The following KIRREL3 variants were observed in gnomAD, a reference collection of about 807,000 sequenced individuals.
The protein encoded by KIRREL3 is kirre like nephrin family adhesion molecule 3.
A neutral mutation model predicts 89.7 loss-of-function variants in KIRREL3; 36 were observed. The ratio of observed to expected loss-of-function variants is 0.40; its 90% CI spans 0.31 to 0.53. The LOEUF (loss-of-function observed/expected upper bound fraction) is 0.53. Ranked by LOEUF, KIRREL3 falls within the 20% of genes least tolerant of loss-of-function variation. The pLI, the probability that KIRREL3 is intolerant of heterozygous loss-of-function variation, is 0.49. For synonymous variants in KIRREL3, 445 were observed against 441.4 expected, an observed-to-expected ratio of 1.01 and a Z score of -0.10; for missense variants, 864 against 1,056.6, an observed-to-expected ratio of 0.82 and a Z score of 2.53.
chr11:126,600,784 C>T (rs375973618), intron 1 of KIRREL3, among the ~76,000 whole-genome samples: 2 of 152,152 alleles, frequency 1.3e-5, no homozygotes, highest in African/African-American at 4.8e-5. Flanking sequence ...CCTTATACAC[C>T]TTTGATCATT....
rs1301295113 is a variant in KIRREL3 at position 126,890,026 on chromosome 11, G to A, written c.55+110429C>T. On this transcript the variant is annotated intron_variant, in intron 1 of 16. Transcript: ENST00000525144. The surrounding 1 kb of genome is among the most constrained non-coding windows in gnomAD (Gnocchi z 5.1). ...GTCAGTGTCATGAATAATAAAATTA[G>A]TTTAAATAAACCCCCAGCCACAATC... Among the ~76,000 whole-genome samples, 3 of 152,184 alleles carry A rather than the reference G, an allele frequency of 2.0e-5. No individual in the cohort carries two copies. Among genetic ancestry groups the A allele is most frequent in the African/African-American group, 7.2e-5 (3 of 41,452 alleles).
rs1358834321 is a variant in KIRREL3 at position 126,653,637 on chromosome 11, C to T, written c.56-90725G>A. Among the ~76,000 whole-genome samples the T allele has an allele frequency of 6.6e-6, 1 of 152,174 alleles. No individual in the cohort carries two copies. The highest frequency in any genetic ancestry group is 2.4e-5 in the African/African-American group (1 of 41,458). On this transcript the variant is annotated intron_variant, in intron 1 of 16. Coordinates refer to ENST00000525144, the MANE Select transcript of KIRREL3 (RefSeq NM_032531.4). This position sits in a 1 kb window ranked among gnomAD's most constrained non-coding sequence, Gnocchi z 5.4. ...AGCTCTTTTCAAGGTCACACGGACA[C>T]TCTGACCCGACTCTCTCCTGGCAGC...
intron 11 of KIRREL3, among the ~76,000 whole-genome samples, chr11:126,437,519 C>A (rs1955401425): frequency 6.6e-6 from 1 of 152,150 alleles, no homozygotes; most frequent in South Asian, 2.1e-4. Context: ...ACATGCATCA[C>A]AACACATGCA....
Position 126,635,263 on chromosome 11 carries a change from G to C in KIRREL3, c.56-72351C>G, listed in dbSNP as rs993543046. The stretch of plus-strand genomic sequence containing the variant: ...CTAAATCCACTCATGGGGGGTGCCA[G>C]GTGCTTCCCTCCAAGGCAGAAGGTA... On this transcript the variant is annotated intron_variant, in intron 1 of 16. Coordinates refer to ENST00000525144, the MANE Select transcript of KIRREL3 (RefSeq NM_032531.4). The surrounding 1 kb of genome is among the most constrained non-coding windows in gnomAD (Gnocchi z 4.0). Among the ~76,000 whole-genome samples, 4 of 152,196 alleles carry C rather than the reference G, an allele frequency of 2.6e-5. No homozygotes were observed. Among genetic ancestry groups the C allele is most frequent in the African/African-American group, 4.8e-5 (2 of 41,460 alleles).
Position 126,797,074 on chromosome 11 carries a change from G to C in KIRREL3, c.55+203381C>G, listed in dbSNP as rs554140943. ...TGGAGGAGCTGTCTGTTGCGGGAGG[G>C]AAGAAGAAGCCTCATTCAGATCCCC... On this transcript the variant is annotated intron_variant, in intron 1 of 16. Transcript: ENST00000525144. This position sits in a 1 kb window ranked among gnomAD's most constrained non-coding sequence, Gnocchi z 4.9. Among the ~76,000 whole-genome samples the C allele has an allele frequency of 1.1e-4, 16 of 152,260 alleles. No homozygotes were observed. The South Asian group carries it at 3.1e-3, about 30-fold the overall frequency.
chr11:126,536,675 G>A (rs1937916462), intron 2 of KIRREL3, among the ~76,000 whole-genome samples: 1 of 112,052 alleles, frequency 8.9e-6, no homozygotes, highest in African/African-American at 3.6e-5. Context: ...TTTGAGTCTC[G>A]TTCTGTCGCC....
At chr11:126,707,652 T>C (rs2134134805) in intron 1 of KIRREL3, among the ~76,000 whole-genome samples, 1 of 152,334 alleles carries the variant, frequency 6.6e-6, no homozygotes, top group Middle Eastern at 3.4e-3. Flanking sequence ...GTACTCAGCC[T>C]GTACTGTCAG....
chr11:126,478,767 G>A (rs564485808), intron 4 of KIRREL3, among the ~76,000 whole-genome samples: 56 of 152,196 alleles, frequency 3.7e-4, no homozygotes, highest in Non-Finnish European at 6.3e-4. Context: ...ATATGTGTGT[G>A]TATATGTGTG....
Position 126,991,171 on chromosome 11 carries a change from C to T in KIRREL3, c.55+9284G>A, listed in dbSNP as rs1175337415. 6.6e-6 allele frequency among the ~76,000 whole-genome samples: 1 copy of T among 152,150 alleles called. No individual in the cohort carries two copies. The highest frequency in any genetic ancestry group is 1.5e-5 in the Non-Finnish European group (1 of 68,024). On this transcript the variant is annotated intron_variant, in intron 1 of 16. Transcript: ENST00000525144. The surrounding 1 kb of genome is among the most constrained non-coding windows in gnomAD (Gnocchi z 5.8). ...TCTCTTGGCGTTGTCTCTGGTGACC[C>T]AAAGGGCATTCAAAGCCTTCCAGAA...
At chr11:126,850,214 A>C (rs960601026) in intron 1 of KIRREL3, among the ~76,000 whole-genome samples, 1 of 152,236 alleles carries the variant, frequency 6.6e-6, no homozygotes, top group Non-Finnish European at 1.5e-5. Context: ...TTTCACCCAC[A>C]TGATCTCTTT....
chr11:126,986,243 A>C (rs543709474), intron 1 of KIRREL3, among the ~76,000 whole-genome samples: 4 of 152,316 alleles, frequency 2.6e-5, no homozygotes, highest in Non-Finnish European at 5.9e-5. Flanking sequence ...CCAGATGCCT[A>C]GTGATGAGAA....
chr11:126,753,546 C>G lies in KIRREL3; in HGVS notation c.56-190634G>C, dbSNP rs571198668. On this transcript the variant is annotated intron_variant, in intron 1 of 16. Coordinates refer to ENST00000525144, the MANE Select transcript of KIRREL3 (RefSeq NM_032531.4). ...GGGGACAAGAGTCTTCTCTCCAGCT[C>G]TCCAGATGGAATGTCTGTGTTGATT... Among the ~76,000 whole-genome samples the G allele has an allele frequency of 4.6e-5, 7 of 152,336 alleles. No homozygotes were observed. In the South Asian group the frequency reaches 1.0e-3, roughly 23 times the overall value.
At position 126,643,878 on chromosome 11, in the gene KIRREL3, A is replaced by G. The variant is rs11220566; in HGVS notation, c.56-80966T>C. ...AGCTGACCCTGAGCATTTAGGGAGA[A>G]AGAATTGAAAAGATCATGATGTCAA... On this transcript the variant is annotated intron_variant, in intron 1 of 16. Coordinates refer to ENST00000525144, the MANE Select transcript of KIRREL3 (RefSeq NM_032531.4). The surrounding 1 kb of genome is among the most constrained non-coding windows in gnomAD (Gnocchi z 4.5). 0.47 allele frequency among the ~76,000 whole-genome samples: 71,740 copies of G among 152,022 alleles called. 17,987 individuals are homozygous for G. The highest frequency in any genetic ancestry group is 0.73 in the East Asian group (3,760 of 5,168).
intron 1 of KIRREL3, among the ~76,000 whole-genome samples, chr11:126,926,687 A>T (rs2135028090): frequency 6.6e-6 from 1 of 152,304 alleles, no homozygotes; most frequent in African/African-American, 2.4e-5. Context: ...CAAATCTCCT[A>T]TGAGCATTTC....
In KIRREL3 at chr11:126,995,315, A is replaced by T. The variant is rs1950152352; in HGVS notation, c.55+5140T>A. 4.4e-6 allele frequency: 2 copies of T among 455,946 alleles called. No individual in the cohort carries two copies. Among genetic ancestry groups the T allele is most frequent in the South Asian group, 1.5e-5 (1 of 64,528 alleles). 28.2% of individuals were successfully genotyped at this position (455,946 alleles called of 1,614,324 possible). On this transcript the variant is annotated intron_variant, in intron 1 of 16. Coordinates refer to ENST00000525144, the MANE Select transcript of KIRREL3 (RefSeq NM_032531.4). The surrounding 1 kb of genome is among the most constrained non-coding windows in gnomAD (Gnocchi z 6.5). The stretch of plus-strand genomic sequence containing the variant: ...AAGTCAAGATCACTGTGGTGGGGGG[A>T]GTTGAAGTGTGCATTCCAGCATGCT...
intron 1 of KIRREL3, among the ~76,000 whole-genome samples, chr11:126,878,585 G>A (rs1043736402): frequency 3.3e-5 from 5 of 151,780 alleles, no homozygotes; most frequent in Non-Finnish European, 7.4e-5. Context: ...AAAAGTCAAT[G>A]TGATTCTCAA....
intron 4 of KIRREL3, among the ~76,000 whole-genome samples, chr11:126,510,325 C>CA (rs1958176537): frequency 6.6e-6 from 1 of 152,160 alleles, no homozygotes; most frequent in Non-Finnish European, 1.5e-5. Context: ...GAAAACTCAG[C>CA]TTCTGCTTGA....
chr11:126,450,216 TG>T (rs1955984421), intron 7 of KIRREL3, among the ~76,000 whole-genome samples: 1 of 151,614 alleles, frequency 6.6e-6, no homozygotes. Flanking sequence ...AATGTGTGCA[TG>T]TATGTGTGCA....
Position 126,664,235 on chromosome 11 carries a change from CA to C in KIRREL3, c.56-101324del, listed in dbSNP as rs752692966. ...TTCAGGCTTTTGCTGGGGCCATTAG[CA>C]TTTTTTTTTTTTTTACCATCATTAT... On this transcript the variant is annotated intron_variant, in intron 1 of 16. Transcript: ENST00000525144. The surrounding 1 kb of genome is among the most constrained non-coding windows in gnomAD (Gnocchi z 5.4). 7.9e-6 allele frequency among the ~76,000 whole-genome samples: 1 copy of C among 126,640 alleles called. No homozygotes were observed. Among genetic ancestry groups the C allele is most frequent in the South Asian group, 2.5e-4 (1 of 3,940 alleles). The allele number at this position is 126,640 out of a possible 152,430, so 83.1% of individuals were successfully genotyped here.
Sources: allele counts gnomAD v4.1 joint callset (sites outside exome capture counted in the v4.1 genomes callset), GRCh38; gene constraint gnomAD v4.1.1; non-coding constraint Gnocchi (gnomAD v3.1); transcripts MANE v1.5; gene names NCBI Gene and HGNC (gene_info 2026-07-23, HGNC 2026-07-21).